Variants in ATRX observed in about 807,000 individuals in gnomAD.
ATRX encodes ATRX chromatin remodeler, also known as chromatin remodeler ATRX.
In ATRX, 12 loss-of-function variants were observed where a neutral mutation model predicts 172.6. That is an observed-to-expected ratio of 0.07 (90% CI 0.04 to 0.11). The LOEUF is 0.11. ATRX is among the 10% of genes least tolerant of loss of function. The probability of loss-of-function intolerance (pLI) is 1.00; values close to 1 mark genes in which losing one functional copy is unlikely to be tolerated. For synonymous variants in ATRX, 674 were observed against 594.7 expected (o/e 1.13, Z -1.94); for missense variants, 1,368 against 1,767.4 (o/e 0.77, Z 4.05).
chrX:77,513,607 C>T (rs1376867400), intron 34 of ATRX, among the ~76,000 whole-genome samples: 4 of 110,797 alleles, frequency 3.6e-5, no homozygotes, highest in Admixed American at 9.6e-5. Context: ...GCTCTTGCCT[C>T]GGGCCTCTGG....
intron 28 of ATRX, among the ~76,000 whole-genome samples, chrX:77,573,753 C>T (rs2065504408): frequency 1.8e-5 from 2 of 111,620 alleles, no homozygotes; most frequent in African/African-American, 6.5e-5. Flanking sequence ...TGGAAAACTG[C>T]TTGATAGTTT....
At chrX:77,671,373 G>A (rs1338468555) in intron 10 of ATRX, among the ~76,000 whole-genome samples, 1 of 105,279 alleles carries the variant, frequency 9.5e-6, no homozygotes, top group East Asian at 2.9e-4. Flanking sequence ...AGGGTACCAG[G>A]AAAATTAATA....
At chrX:77,768,707 T>C (rs1280009983) in intron 1 of ATRX, among the ~76,000 whole-genome samples, 1 of 111,571 alleles carries the variant, frequency 9.0e-6, no homozygotes, top group African/African-American at 3.3e-5. Context: ...AATGCATCTA[T>C]GGAAACACTC....
At chrX:77,544,752 A>AT (rs2064170964) in intron 30 of ATRX, among the ~76,000 whole-genome samples, 1 of 110,650 alleles carries the variant, frequency 9.0e-6, no homozygotes, top group Admixed American at 9.7e-5. Context: ...TGAACTCATC[A>AT]TTTTTTATGG....
chrX:77,683,301 T>C lies in ATRX; in HGVS notation c.1955A>G (p.Asp652Gly), dbSNP rs2071357500. 2.5e-6 allele frequency: 3 copies of C among 1,210,571 alleles called. No individual in the cohort carries two copies. The highest frequency in any genetic ancestry group is 3.4e-6 in the Non-Finnish European group (3 of 894,700). The change falls in exon 9 of 35, where the codon GAT becomes GGT. Residue 652 changes from aspartate (D) to glycine (G), a missense_variant. Asp to Gly is a moderately conservative substitution (Grantham distance 94). Around this residue, in one of 17 missense-constraint regions of ATRX, gnomAD observed 843 missense variants for 643.1 expected, o/e 1.31. Transcript: ENST00000373344. ...NEVSLLLEES[D>G]LRRSPRVKTT... Reference sequence around the variant, plus strand: ...CTTTACACGTGGGGATCTTCGAAGATCAGATTCCTCTAAAAGTAATGAAAC... The same window carrying C: ...CTTTACACGTGGGGATCTTCGAAGACCAGATTCCTCTAAAAGTAATGAAAC...
chrX:77,685,970 A>G (rs1557143657), intron 7 of ATRX, among the ~76,000 whole-genome samples: 1 of 112,027 alleles, frequency 8.9e-6, no homozygotes, highest in African/African-American at 3.2e-5. Context: ...GTTGTCACTT[A>G]TAAGTGGGAT....
intron 28 of ATRX, among the ~76,000 whole-genome samples, chrX:77,565,422 A>T (rs1432196736): frequency 8.9e-6 from 1 of 112,526 alleles, no homozygotes; most frequent in Non-Finnish European, 1.9e-5. Context: ...CACTGAGATG[A>T]CATAGATGTT....
At chrX:77,766,563 C>CTGCAATCTCGGCACTTTGGGA (rs1557195995) in intron 1 of ATRX, among the ~76,000 whole-genome samples, 1 of 105,465 alleles carries the variant, frequency 9.5e-6, no homozygotes, top group Non-Finnish European at 2.0e-5. Context: ...CGGGCAGAGG[C>CTGCAATCTCGGCACTTTGGGA]GCTCCTCACA....
At chrX:77,666,549 T>C (rs1276054788) in intron 10 of ATRX, among the ~76,000 whole-genome samples, 1 of 112,393 alleles carries the variant, frequency 8.9e-6, no homozygotes, top group African/African-American at 3.2e-5. Flanking sequence ...GGAAAAATTC[T>C]CTAAAATCAT....
intron 27 of ATRX, among the ~76,000 whole-genome samples, chrX:77,579,109 C>CCAAA (rs2065735134): frequency 8.9e-6 from 1 of 112,530 alleles, no homozygotes; most frequent in African/African-American, 3.2e-5. Flanking sequence ...TATTTCTGTG[C>CCAAA]CAGTTTAGCC....
At chrX:77,768,735 G>C (rs1286653263) in intron 1 of ATRX, among the ~76,000 whole-genome samples, 1 of 111,127 alleles carries the variant, frequency 9.0e-6, no homozygotes, top group African/African-American at 3.3e-5. Context: ...CTTCTTAGAG[G>C]GCAAAACACT....
intron 19 of ATRX, among the ~76,000 whole-genome samples, chrX:77,626,025 T>C (rs2067816125): frequency 1.6e-5 from 1 of 62,162 alleles, no homozygotes; most frequent in Admixed American, 2.4e-4. Flanking sequence ...AAAGAAATTG[T>C]GGCATATATA....
intron 2 of ATRX, among the ~76,000 whole-genome samples, chrX:77,712,926 G>A (rs2073184192): frequency 2.7e-5 from 3 of 111,339 alleles, no homozygotes; most frequent in Middle Eastern, 9.2e-3. Flanking sequence ...CGAGGCAGGC[G>A]GATCATGAAG....
At chrX:77,646,281 T>C (rs1410192655) in intron 15 of ATRX, among the ~76,000 whole-genome samples, 2 of 111,493 alleles carry the variant, frequency 1.8e-5, no homozygotes, top group African/African-American at 3.3e-5. Flanking sequence ...AGACATTCCA[T>C]GCAAATAACA....
rs1557142145 is a variant in ATRX, at chrX:77,684,037, G to C, written c.1219C>G (p.Leu407Val). Residue 407 changes from leucine to valine, a missense_variant, in exon 9 of 35, where the codon CTT (leucine) becomes GTT (valine). By Grantham distance (32) the Leu-to-Val change is conservative (BLOSUM62 1). This residue lies in a region of ATRX where 843 missense variants were observed against 643.1 expected (regional missense o/e 1.31). Coordinates refer to ENST00000373344, the MANE Select transcript of ATRX (RefSeq NM_000489.6). ...SVLADIKKAHLALEEDLNSEF... is the reference protein window; with the variant it reads ...SVLADIKKAHVALEEDLNSEF... ...GAATTTAAGTCTTCTTCCAATGCAA[G>C]ATGAGCCTTCTTAATATCAGCCAAC... is the stretch of plus-strand genomic sequence containing the variant. 2 of 1,206,588 alleles carry C rather than the reference G, an allele frequency of 1.7e-6. No homozygotes were observed. The highest frequency in any genetic ancestry group is 2.2e-6 in the Non-Finnish European group (2 of 890,690).
chrX:77,756,555 T>C (rs782262982), intron 1 of ATRX, among the ~76,000 whole-genome samples: 8 of 110,552 alleles, frequency 7.2e-5, no homozygotes, highest in Admixed American at 4.9e-4. Flanking sequence ...CTGTGCCGGA[T>C]AGCATAGACT....
At chrX:77,628,350 T>G (rs1217034535) in intron 19 of ATRX, among the ~76,000 whole-genome samples, 1 of 112,670 alleles carries the variant, frequency 8.9e-6, no homozygotes, top group African/African-American at 3.2e-5. Context: ...CCAGATTGTT[T>G]AAGTACATTA....
intron 22 of ATRX, among the ~76,000 whole-genome samples, chrX:77,611,164 C>T (rs2067138680): frequency 9.0e-6 from 1 of 111,029 alleles, no homozygotes; most frequent in Non-Finnish European, 1.9e-5. Flanking sequence ...ATATATTTCA[C>T]AATGAACACA....
At chrX:77,601,623 A>G (rs1403483801) in intron 22 of ATRX, among the ~76,000 whole-genome samples, 2 of 112,067 alleles carry the variant, frequency 1.8e-5, no homozygotes, top group Admixed American at 9.5e-5. Context: ...TTTCATTAAT[A>G]TAATAAAATT....
Sources: gnomAD v4.1 joint callset for allele counts (sites outside exome capture counted in the v4.1 genomes callset) on GRCh38, gnomAD v4.1.1 for gene constraint, gnomAD v4.1.1 regional missense constraint, MANE v1.5 for transcripts, NCBI Gene and HGNC (gene_info 2026-07-23, HGNC 2026-07-21) for gene names.